MSRA: variants seen among roughly 807,000 people sequenced by gnomAD.
The protein encoded by MSRA is mitochondrial peptide methionine sulfoxide reductase.
A neutral mutation model predicts 31.3 loss-of-function variants in MSRA; 54 were observed. The ratio of observed to expected loss-of-function variants is 1.73; its 90% CI spans 1.39 to 2.17. The LOEUF is 2.17. Ranked by LOEUF, MSRA falls within the 30% of genes most tolerant of loss-of-function variation. The pLI is 0.00. For synonymous variants in MSRA, 169 were observed against 116.5 expected (o/e 1.45, Z -2.90); for missense variants, 507 against 300.9 (o/e 1.69, Z -5.07).
chr8:10,365,521 TGGG>T (rs1335547656), intron 5 of MSRA, among the ~76,000 whole-genome samples: 1 of 152,232 alleles, frequency 6.6e-6, no homozygotes, highest in Non-Finnish European at 1.5e-5. Flanking sequence ...AGAACGTTGT[TGGG>T]GGAAGGGACT....
chr8:10,081,063 G>A (rs939379642), intron 1 of MSRA, among the ~76,000 whole-genome samples: 3 of 152,182 alleles, frequency 2.0e-5, no homozygotes, highest in Non-Finnish European at 4.4e-5. Flanking sequence ...TAAAATGGAG[G>A]CAGGGCAGGG....
chr8:10,326,462 C>G (rs1283468136), intron 5 of MSRA: 1 of 152,138 alleles, frequency 6.6e-6, no homozygotes, highest in Non-Finnish European at 1.5e-5. Flanking sequence ...CATTTCTAAT[C>G]AGATTAAAAG....
chr8:10,098,241 C>T (rs1489447955), intron 1 of MSRA, among the ~76,000 whole-genome samples: 1 of 152,062 alleles, frequency 6.6e-6, no homozygotes, highest in Non-Finnish European at 1.5e-5. Flanking sequence ...TGAACCCTAT[C>T]TCACCTCATA....
intron 1 of MSRA, among the ~76,000 whole-genome samples, chr8:10,173,825 C>G (rs1235176930): frequency 1.3e-5 from 2 of 152,166 alleles, no homozygotes; most frequent in African/African-American, 4.8e-5. Context: ...TTGCAAATGA[C>G]TACATTAACA....
At chr8:10,153,473 G>C (rs1803885296) in intron 1 of MSRA, among the ~76,000 whole-genome samples, 3 of 152,004 alleles carry the variant, frequency 2.0e-5, no homozygotes, top group African/African-American at 7.3e-5. Flanking sequence ...CCTCGGAGGA[G>C]AATGCTCACA....
At chr8:10,210,676 G>A (rs917234334) in intron 2 of MSRA, among the ~76,000 whole-genome samples, 5 of 151,844 alleles carry the variant, frequency 3.3e-5, no homozygotes, top group Admixed American at 6.6e-5. Flanking sequence ...GTTTAGACCC[G>A]TTCTTCAGCC....
chr8:10,407,754 A>T (rs1008719214), intron 5 of MSRA, among the ~76,000 whole-genome samples: 9 of 152,190 alleles, frequency 5.9e-5, no homozygotes, highest in Non-Finnish European at 1.0e-4. Context: ...AGGAATTGTC[A>T]TTGGTCTAAA....
chr8:10,291,054 G>C (rs1421701955), intron 3 of MSRA, among the ~76,000 whole-genome samples: 1 of 152,166 alleles, frequency 6.6e-6, no homozygotes, highest in African/African-American at 2.4e-5. Flanking sequence ...AGAAACTAGG[G>C]AGTGGCTCAC....
intron 1 of MSRA, among the ~76,000 whole-genome samples, chr8:10,197,006 A>G (rs1039941646): frequency 6.6e-6 from 1 of 152,234 alleles, no homozygotes; most frequent in African/African-American, 2.4e-5. Flanking sequence ...GTATAAAACA[A>G]ATTCCTTTTG....
chr8:10,227,389 C>T lies in MSRA; in HGVS notation c.212-17715C>T, dbSNP rs566373460. 1.2e-4 allele frequency among the ~76,000 whole-genome samples: 18 copies of T among 152,216 alleles called. No individual in the cohort carries two copies. In the South Asian group the frequency reaches 3.7e-3, roughly 32 times the overall value. The stretch of plus-strand genomic sequence containing the variant: ...CATTAGATCTGTGAAGGGGAATGGG[C>T]TACTTCAAGAGGCAGAGGGTAATTT... On this transcript the variant is annotated intron_variant, in intron 2 of 5. Transcript: ENST00000317173.
At chr8:10,177,307 T>A (rs1806140897) in intron 1 of MSRA, among the ~76,000 whole-genome samples, 1 of 152,226 alleles carries the variant, frequency 6.6e-6, no homozygotes, top group Non-Finnish European at 1.5e-5. Context: ...CTTTGACAAC[T>A]CAATAAACCT....
chr8:10,212,927 ATATATT>A, intron 2 of MSRA, among the ~76,000 whole-genome samples: 1 of 152,264 alleles, frequency 6.6e-6, no homozygotes, highest in South Asian at 2.1e-4. Context: ...TAGTAGGTAT[ATATATT>A]TATGGGGCAT....
chr8:10,378,674 C>T (rs1805885320), intron 5 of MSRA, among the ~76,000 whole-genome samples: 1 of 152,226 alleles, frequency 6.6e-6, no homozygotes. Context: ...GCCAGTGATT[C>T]TCAACATGTG....
At chr8:10,399,031 A>G (rs887707880) in intron 5 of MSRA, among the ~76,000 whole-genome samples, 1 of 152,204 alleles carries the variant, frequency 6.6e-6, no homozygotes, top group Non-Finnish European at 1.5e-5. Flanking sequence ...CAGCCTTTGG[A>G]TTGATAAACT....
intron 1 of MSRA, among the ~76,000 whole-genome samples, chr8:10,194,113 A>G (rs1162824730): frequency 6.6e-6 from 1 of 152,204 alleles, no homozygotes; most frequent in Non-Finnish European, 1.5e-5. Flanking sequence ...AAGTTCCAGA[A>G]AGGCAAAATA....
chr8:10,380,958 T>C (rs1806033133), intron 5 of MSRA, among the ~76,000 whole-genome samples: 1 of 151,620 alleles, frequency 6.6e-6, no homozygotes, highest in Admixed American at 6.6e-5. Context: ...CATGGATAGA[T>C]GGACGGATGG....
intron 3 of MSRA, among the ~76,000 whole-genome samples, chr8:10,267,317 G>A (rs925209103): frequency 9.9e-5 from 15 of 152,164 alleles, no homozygotes; most frequent in African/African-American, 3.6e-4. Flanking sequence ...GGTTCTTATT[G>A]TGCAGACACA....
rs923779924 is a variant in MSRA at position 10,080,876 on chromosome 8, C to A, written c.142+26218C>A. Among the ~76,000 whole-genome samples, 4 of 152,090 alleles carry A rather than the reference C, an allele frequency of 2.6e-5. No homozygotes were observed. The South Asian group carries it at 8.3e-4, about 32-fold the overall frequency. On this transcript the variant is annotated intron_variant, in intron 1 of 5. Transcript: ENST00000317173. ...TCTTGAGTGTGAAATTTGTTTACAG[C>A]TTTTCTTGCTAAAGACTAGTGTTTC...
intron 1 of MSRA, among the ~76,000 whole-genome samples, chr8:10,165,467 A>T (rs551703333): frequency 1.1e-4 from 17 of 152,300 alleles, no homozygotes; most frequent in African/African-American, 4.1e-4. Flanking sequence ...ATTGTTTTCT[A>T]ATGGCTTCCT....
Sources: gnomAD v4.1 joint callset for allele counts (sites outside exome capture counted in the v4.1 genomes callset) on GRCh38, gnomAD v4.1.1 for gene constraint, MANE v1.5 for transcripts, NCBI Gene and HGNC (gene_info 2026-07-23, HGNC 2026-07-21) for gene names.